ATXN1: variants seen among roughly 807,000 people sequenced by gnomAD.
ATXN1 encodes the protein ataxin-1.
Under a neutral mutation model 56.4 loss-of-function variants are expected in ATXN1, and 8 were observed. The observed-to-expected ratio is 0.14, with a 90% CI of 0.08 to 0.26. The LOEUF (loss-of-function observed/expected upper bound fraction) is 0.26. Ranked by LOEUF, ATXN1 falls within the 10% of genes least tolerant of loss-of-function variation. The pLI, the probability that ATXN1 is intolerant of heterozygous loss-of-function variation, is 1.00. For missense variants in ATXN1, 987 were observed against 1,106.5 expected (o/e 0.89, Z 1.53); for synonymous variants, 514 against 494.6 (o/e 1.04, Z -0.52).
chr6:16,740,988 A>G (rs1760321143), intron 2 of ATXN1, among the ~76,000 whole-genome samples: 1 of 152,240 alleles, frequency 6.6e-6, no homozygotes, highest in Non-Finnish European at 1.5e-5. Context: ...ATGTCTTTTC[A>G]TCCTACAACT....
intron 4 of ATXN1, among the ~76,000 whole-genome samples, chr6:16,537,598 C>T (rs75363259): frequency 2.6e-5 from 4 of 151,350 alleles, no homozygotes; most frequent in African/African-American, 9.7e-5. Context: ...CCCTGCTAGT[C>T]GGCAGGCTGG....
intron 2 of ATXN1, among the ~76,000 whole-genome samples, chr6:16,674,565 G>C (rs1403133023): frequency 6.7e-6 from 1 of 149,398 alleles, no homozygotes; most frequent in East Asian, 2.0e-4. Context: ...CACTGTATTA[G>C]CTAGGCTGGT....
At chr6:16,476,610 T>C (rs1034949505) in intron 6 of ATXN1, among the ~76,000 whole-genome samples, 1 of 152,160 alleles carries the variant, frequency 6.6e-6, no homozygotes, top group African/African-American at 2.4e-5. Context: ...GAATATACAA[T>C]GTCTTCTATC....
intron 4 of ATXN1, among the ~76,000 whole-genome samples, chr6:16,578,824 T>C (rs888820978): frequency 3.9e-5 from 6 of 152,210 alleles, no homozygotes; most frequent in Non-Finnish European, 7.3e-5. Flanking sequence ...TAGGGGATTC[T>C]TGACTGTGGT....
intron 6 of ATXN1, among the ~76,000 whole-genome samples, chr6:16,358,974 G>A (rs975596849): frequency 5.9e-5 from 9 of 152,216 alleles, no homozygotes; most frequent in African/African-American, 1.9e-4. Flanking sequence ...GGGTGCAGCT[G>A]TGGCCAACCC....
At chr6:16,464,746 T>TAAAAAAAAAAA (rs34230333) in intron 6 of ATXN1, among the ~76,000 whole-genome samples, 1 of 140,032 alleles carries the variant, frequency 7.1e-6, no homozygotes, top group Admixed American at 7.0e-5. Context: ...ACAGGGATAG[T>TAAAAAAAAAAA]AAAAAAAAAA....
chr6:16,521,909 G>A (rs1045945383), intron 5 of ATXN1, among the ~76,000 whole-genome samples: 14 of 152,196 alleles, frequency 9.2e-5, no homozygotes, highest in Admixed American at 6.5e-4. Flanking sequence ...TAGCCAACTA[G>A]GATTATGAGA....
At position 16,709,866 on chromosome 6, in the gene ATXN1, A is replaced by C. The variant is rs565236508; in HGVS notation, c.-615+43367T>G. 2.6e-5 allele frequency among the ~76,000 whole-genome samples: 4 copies of C among 152,304 alleles called. No homozygotes were observed. In the South Asian group the frequency reaches 8.3e-4, roughly 32 times the overall value. On this transcript the variant is annotated intron_variant, in intron 2 of 7. Transcript: ENST00000436367. ...CAATAGGTCAAAATAACACATAATT[A>C]TAACTGGTTCTTATCCCAGGAACTC... is the stretch of plus-strand genomic sequence containing the variant.
chr6:16,497,854 T>C (rs1399502867), intron 5 of ATXN1, among the ~76,000 whole-genome samples: 1 of 151,966 alleles, frequency 6.6e-6, no homozygotes, highest in Non-Finnish European at 1.5e-5. Flanking sequence ...TAGATGTCTC[T>C]TTGCAGAAGT....
intron 4 of ATXN1, among the ~76,000 whole-genome samples, chr6:16,529,443 A>T (rs1761459318): frequency 6.6e-6 from 1 of 152,138 alleles, no homozygotes; most frequent in Non-Finnish European, 1.5e-5. Flanking sequence ...TGCAATCAAC[A>T]GCATAGAGAC....
chr6:16,685,536 C>T (rs537962888), intron 2 of ATXN1, among the ~76,000 whole-genome samples: 5 of 152,116 alleles, frequency 3.3e-5, no homozygotes, highest in Non-Finnish European at 7.4e-5. Context: ...TGACTTCTTA[C>T]ATAAAAGCCA....
intron 6 of ATXN1, among the ~76,000 whole-genome samples, chr6:16,443,827 G>A (rs926415009): frequency 5.3e-5 from 8 of 152,078 alleles, no homozygotes; most frequent in South Asian, 2.1e-4. Flanking sequence ...TAAAAAATAC[G>A]TACACACGGC....
chr6:16,490,493 T>C (rs1760638770), intron 5 of ATXN1, among the ~76,000 whole-genome samples: 1 of 152,208 alleles, frequency 6.6e-6, no homozygotes, highest in African/African-American at 2.4e-5. Flanking sequence ...GAGCTTGATT[T>C]CCACCACTTT....
intron 5 of ATXN1, among the ~76,000 whole-genome samples, chr6:16,521,416 G>A (rs868412577): frequency 5.3e-5 from 8 of 152,176 alleles, no homozygotes; most frequent in Non-Finnish European, 1.0e-4. Context: ...AAATTAGCCA[G>A]GCATGGTGGC....
intron 4 of ATXN1, among the ~76,000 whole-genome samples, chr6:16,554,974 C>T (rs1033093831): frequency 1.3e-5 from 2 of 152,186 alleles, no homozygotes; most frequent in South Asian, 2.1e-4. Context: ...CCCACGCTGG[C>T]TCATCTGTCC....
chr6:16,554,326 G>C (rs1034756731), intron 4 of ATXN1, among the ~76,000 whole-genome samples: 5 of 152,198 alleles, frequency 3.3e-5, no homozygotes, highest in Non-Finnish European at 1.5e-5. Flanking sequence ...GCTAAGATTT[G>C]TGGAAAATAT....
At chr6:16,583,042 T>C (rs1762556289) in intron 4 of ATXN1, among the ~76,000 whole-genome samples, 1 of 152,234 alleles carries the variant, frequency 6.6e-6, no homozygotes, top group African/African-American at 2.4e-5. Context: ...CTTATTAATT[T>C]TGTTGAAATA....
intron 2 of ATXN1, among the ~76,000 whole-genome samples, chr6:16,718,481 A>G (rs1036762124): frequency 6.6e-6 from 1 of 152,218 alleles, no homozygotes; most frequent in African/African-American, 2.4e-5. Context: ...CTTCTAACCT[A>G]TAGGTCATGC....
At chr6:16,587,852 A>T (rs1466062637) in intron 3 of ATXN1, among the ~76,000 whole-genome samples, 1 of 151,566 alleles carries the variant, frequency 6.6e-6, no homozygotes, top group Admixed American at 6.6e-5. Context: ...AATCGCTTGA[A>T]CCTGGGAGGC....
Sources: gnomAD v4.1 joint callset for allele counts (sites outside exome capture counted in the v4.1 genomes callset) on GRCh38, gnomAD v4.1.1 for gene constraint, MANE v1.5 for transcripts, NCBI Gene and HGNC (gene_info 2026-07-23, HGNC 2026-07-21) for gene names.